Variants in TRRAP observed in about 807,000 individuals in gnomAD.
The protein encoded by TRRAP is transformation/transcription domain associated protein, also known as transformation/transcription domain-associated protein.
In TRRAP, 41 loss-of-function variants were observed where a neutral mutation model predicts 438.8. The observed-to-expected ratio is 0.09, with a 90% CI of 0.07 to 0.12. The LOEUF (loss-of-function observed/expected upper bound fraction) is 0.12. Ranked by LOEUF, TRRAP falls within the 10% of genes least tolerant of loss-of-function variation. The pLI, the probability that TRRAP is intolerant of heterozygous loss-of-function variation, is 1.00. For synonymous variants in TRRAP, 1,994 were observed against 1,962.9 expected, an observed-to-expected ratio of 1.02 and a Z score of -0.42; for missense variants, 3,122 against 5,055.1, an observed-to-expected ratio of 0.62 and a Z score of 11.60.
chr7:98,894,980 C>T (rs1796137877), intron 6 of TRRAP, among the ~76,000 whole-genome samples: 1 of 151,968 alleles, frequency 6.6e-6, no homozygotes, highest in Admixed American at 6.6e-5. Flanking sequence ...ATATTTTCTA[C>T]ATAATTGTGG....
At chr7:98,985,312 T>C (rs565951261) in intron 62 of TRRAP, among the ~76,000 whole-genome samples, 2 of 152,378 alleles carry the variant, frequency 1.3e-5, no homozygotes, top group South Asian at 4.1e-4. Context: ...CATTTCCCCA[T>C]TTCCTCAGTC....
intron 16 of TRRAP, among the ~76,000 whole-genome samples, 172 bp downstream of exon 16, chr7:98,910,779 T>G (rs1257412717): frequency 3.3e-5 from 5 of 152,228 alleles, no homozygotes; most frequent in African/African-American, 9.6e-5. Context: ...GTGGGAATTC[T>G]TATTTATAAG....
chr7:98,910,684 G>A (rs1789211399), intron 16 of TRRAP, 77 bp downstream of exon 16: 1 of 1,246,806 alleles, frequency 8.0e-7, no homozygotes, highest in South Asian at 1.5e-5. Flanking sequence ...TGGTGGGGTG[G>A]CAGTGAGAGC....
intron 13 of TRRAP, 49 bp downstream of exon 13, chr7:98,906,304 C>T (rs1554407517): frequency 2.1e-6 from 3 of 1,435,628 alleles, no homozygotes; most frequent in Non-Finnish European, 2.9e-6. Flanking sequence ...CCAGGAGCAT[C>T]AGTTACTGGC....
chr7:98,969,770 CTG>C (rs1405359193), intron 51 of TRRAP, among the ~76,000 whole-genome samples: 3 of 152,042 alleles, frequency 2.0e-5, no homozygotes, highest in African/African-American at 7.2e-5. Flanking sequence ...TAAAGGGCCA[CTG>C]TGTGGAAAGA....
At chr7:98,881,736 G>A (rs1554403135) in intron 2 of TRRAP, 1 of 464,486 alleles carries the variant, frequency 2.2e-6, no homozygotes, top group East Asian at 3.5e-5. Flanking sequence ...GCCCCAAAGA[G>A]GCACGTGTGT....
rs574013156 is a variant in TRRAP at position 99,005,415 on chromosome 7, C to T, written c.10753+67C>T. On this transcript the variant is annotated intron_variant, in intron 69 of 72. Coordinates refer to ENST00000456197, the MANE Select transcript of TRRAP (RefSeq NM_001375524.1). The surrounding 1 kb of genome is among the most constrained non-coding windows in gnomAD (Gnocchi z 5.1). The stretch of plus-strand genomic sequence containing the variant: ...TCACAGGTGGGGATGAGAGCCACAC[C>T]TCGTGGGGTGCACAGGCAGCTCACG... 1.0e-4 allele frequency: 151 copies of T among 1,492,686 alleles called. No homozygotes were observed. The highest frequency in any genetic ancestry group is 1.1e-4 in the Non-Finnish European group (119 of 1,073,286). 92.5% of individuals were successfully genotyped at this position (1,492,686 alleles called of 1,614,324 possible). A position where few individuals can be genotyped will look rare whatever the true frequency, so the allele number is the denominator to read the frequency against.
rs566668012 is a variant in TRRAP, at chr7:98,925,393, C to A, written c.2975+130C>A. On this transcript the variant is annotated intron_variant, in intron 22 of 72. Coordinates refer to ENST00000456197, the MANE Select transcript of TRRAP (RefSeq NM_001375524.1). ...AGTCCAGCAGATGCCATATTATCTA[C>A]CTACTCCTTCTTGTTGGGGCCTTAG... 4 of 1,288,806 alleles carry A rather than the reference C, an allele frequency of 3.1e-6. No individual in the cohort carries two copies. In the African/African-American group the frequency reaches 4.5e-5, roughly 15 times the overall value. The allele number at this position is 1,288,806 out of a possible 1,614,324, so 79.8% of individuals were successfully genotyped here. A position where few individuals can be genotyped will look rare whatever the true frequency, so the allele number is the denominator to read the frequency against.
At chr7:98,909,019 A>ATTTTTTTT in intron 14 of TRRAP, 57 bp downstream of exon 14, 3 of 1,091,044 alleles carry the variant, frequency 2.7e-6, no homozygotes, top group Non-Finnish European at 3.8e-6. Flanking sequence ...TTGTGGCTAA[A>ATTTTTTTT]TTTTTTTTTT....
At chr7:99,008,104 G>C (rs967186336) in intron 69 of TRRAP, among the ~76,000 whole-genome samples, 5 of 152,172 alleles carry the variant, frequency 3.3e-5, no homozygotes, top group African/African-American at 1.2e-4. Flanking sequence ...GATTACAGGC[G>C]TGAGCCACTG....
intron 11 of TRRAP, among the ~76,000 whole-genome samples, chr7:98,901,820 A>T (rs1261241266): frequency 6.6e-6 from 1 of 152,226 alleles, no homozygotes; most frequent in African/African-American, 2.4e-5. Context: ...TGGTGCTGGG[A>T]TTACCGGCAT....
intron 2 of TRRAP, chr7:98,881,620 G>C (rs1022134969): frequency 2.5e-5 from 7 of 284,442 alleles, no homozygotes; most frequent in Non-Finnish European, 4.6e-5. Flanking sequence ...ATTTATCTCA[G>C]CTCAGATGTT....
At chr7:98,927,105 C>G (rs1480240226) in intron 22 of TRRAP, 62 bp from the exon 23 acceptor site, 1 of 1,579,844 alleles carries the variant, frequency 6.3e-7, no homozygotes, top group African/African-American at 1.3e-5. Context: ...AAAAGAAGTC[C>G]TAGTGGAGTC....
In TRRAP at chr7:98,911,130, T is replaced by C; in HGVS notation, c.1866T>C (p.Thr622=). 1 of 1,614,162 alleles carries C rather than the reference T, an allele frequency of 6.2e-7. No homozygotes were observed. Among genetic ancestry groups the C allele is most frequent in the Non-Finnish European group, 8.5e-7 (1 of 1,180,024 alleles). The change falls in exon 17 of 73, where the codon ACT becomes ACC. Residue 622 remains threonine (T), a synonymous_variant. Coordinates refer to ENST00000456197, the MANE Select transcript of TRRAP (RefSeq NM_001375524.1). ...ACATCCGTGTGGCCAACTGCCAGAC[T>C]GTGAGAATGAAAGAGGAGAAGGAGG... is the stretch of plus-strand genomic sequence containing the variant. ...QTYIRVANCQ[T]VRMKEEKEVL...
At chr7:98,985,414 G>A (rs963339775) in intron 62 of TRRAP, among the ~76,000 whole-genome samples, 2 of 152,216 alleles carry the variant, frequency 1.3e-5, no homozygotes, top group Non-Finnish European at 2.9e-5. Context: ...GCCACATCCA[G>A]CCACTGCCCT....
Position 98,971,911 on chromosome 7 carries a change from A to G in TRRAP, c.7805A>G (p.His2602Arg). The G allele has an allele frequency of 1.2e-6, 2 of 1,614,268 alleles. No homozygotes were observed. The highest frequency in any genetic ancestry group is 1.7e-6 in the Non-Finnish European group (2 of 1,180,050). The change falls in exon 53 of 73, where the codon CAC becomes CGC. Residue 2602 changes from histidine (H) to arginine (R), a missense_variant. This residue lies in a region of TRRAP where 992 missense variants were observed against 1,281.2 expected (regional missense o/e 0.77). Coordinates refer to ENST00000456197, the MANE Select transcript of TRRAP (RefSeq NM_001375524.1). ...GNQLHMLTNR[H>R]DKFLDTLREV... Reference sequence around the variant, plus strand: ...CAGCTGCACATGCTAACCAACAGGCACGACAAGTTTCTGGACACTCTCCGA... The same window carrying G: ...CAGCTGCACATGCTAACCAACAGGCGCGACAAGTTTCTGGACACTCTCCGA...
rs1019445051 is a variant in TRRAP, at chr7:98,964,760, A to G, written c.6961A>G (p.Thr2321Ala). 2 of 1,612,860 alleles carry G rather than the reference A, an allele frequency of 1.2e-6. No individual in the cohort carries two copies. Among genetic ancestry groups the G allele is most frequent in the Admixed American group, 1.7e-5 (1 of 59,794 alleles). ...AAACCCTCAGGCAGCGTCAGGAAGCACCGAAGCCACCTCAGGTGATGTGCT... is the reference window on the plus strand; with the variant it reads ...AAACCCTCAGGCAGCGTCAGGAAGCGCCGAAGCCACCTCAGGTGATGTGCT... ...HLNPQAASGSTEATSGTSELV... is the reference protein window; with the variant it reads ...HLNPQAASGSAEATSGTSELV... Residue 2321 changes from threonine (T) to alanine (A), a missense_variant, in exon 48 of 73, where the codon ACC (threonine) becomes GCC (alanine). By Grantham distance (58) the Thr-to-Ala change is moderately conservative. Coordinates refer to ENST00000456197, the MANE Select transcript of TRRAP (RefSeq NM_001375524.1).
In TRRAP at chr7:98,908,968, A is replaced by T. The variant is rs782806981; in HGVS notation, c.1350+6A>T. On this transcript the variant is annotated splice_donor_region_variant and intron_variant, in intron 14 of 72. Coordinates refer to ENST00000456197, the MANE Select transcript of TRRAP (RefSeq NM_001375524.1). The surrounding 1 kb of genome is among the most constrained non-coding windows in gnomAD (Gnocchi z 4.1). ...TCCTGATGCGGATGCTGGAGGTACCAGCTCTTCTGAGAGTATCATCCATCC... is the reference window on the plus strand; with the variant it reads ...TCCTGATGCGGATGCTGGAGGTACCTGCTCTTCTGAGAGTATCATCCATCC... The T allele has an allele frequency of 6.2e-7, 1 of 1,609,886 alleles. No homozygotes were observed. The highest frequency in any genetic ancestry group is 1.1e-5 in the South Asian group (1 of 90,344).
In TRRAP at chr7:98,959,404, A is replaced by T. The variant is rs774933532; in HGVS notation, c.6403A>T (p.Asn2135Tyr). 1.2e-6 allele frequency: 2 copies of T among 1,614,064 alleles called. No homozygotes were observed. The highest frequency in any genetic ancestry group is 1.1e-5 in the South Asian group (1 of 91,078). The change falls in exon 45 of 73, where the codon AAC becomes TAC. Residue 2135 changes from asparagine (N) to tyrosine (Y), a missense_variant. Asn to Tyr is a moderately radical substitution (Grantham distance 143, BLOSUM62 -2). This residue lies in a region of TRRAP where 992 missense variants were observed against 1,281.2 expected (regional missense o/e 0.77). Transcript: ENST00000456197. ...GGAGGTGCTCTCTCGCCGGTGTGTG[A>T]ACCTTCTGAAGACTGCGTTGCGGCC... ...PGEVLSRRCVNLLKTALRPDM... is the reference protein window; with the variant it reads ...PGEVLSRRCVYLLKTALRPDM...
Sources: allele counts gnomAD v4.1 joint callset (sites outside exome capture counted in the v4.1 genomes callset), GRCh38; gene constraint gnomAD v4.1.1; regional missense constraint gnomAD v4.1.1; non-coding constraint Gnocchi (gnomAD v3.1); transcripts MANE v1.5; gene names NCBI Gene and HGNC (gene_info 2026-07-23, HGNC 2026-07-21).